MKRN2OS: variants seen among roughly 807,000 people sequenced by gnomAD.
The protein encoded by MKRN2OS is MKRN2 opposite strand.
MKRN2OS carries 17 observed loss-of-function variants against 18.2 expected under a neutral mutation model. The observed-to-expected ratio is 0.93, with a 90% confidence interval of 0.64 to 1.40. MKRN2OS has a LOEUF of 1.40. Among genes scored for constraint, MKRN2OS ranks in the 40% most tolerant of loss-of-function variants. The pLI is 0.00. For missense variants in MKRN2OS, 337 were observed against 283.0 expected, an observed-to-expected ratio of 1.19 and a Z score of -1.37; for synonymous variants, 121 against 108.5, an observed-to-expected ratio of 1.12 and a Z score of -0.72.
chr3:12,545,304 T>C lies in MKRN2OS; in HGVS notation c.161A>G (p.Asn54Ser), dbSNP rs1468751166. Residue 54 changes from asparagine to serine, a missense_variant, in exon 1 of 4, where the codon AAT (asparagine) becomes AGT (serine). Transcript: ENST00000564146. ...APVSIANPFT[N>S]GHQEKCSFLL... ...GAATGAACATTTTTCTTGATGTCCA[T>C]TAGTAAATGGATTAGCGATGCTAAC... 6.5e-7 allele frequency: 1 copy of C among 1,535,994 alleles called. No homozygotes were observed. Among genetic ancestry groups the C allele is most frequent in the Non-Finnish European group, 8.7e-7 (1 of 1,146,886 alleles).
In MKRN2OS at chr3:12,557,295, C is replaced by A; in HGVS notation, n.265-3161G>T. The A allele has an allele frequency of 3.0e-6, 4 of 1,329,160 alleles. No homozygotes were observed. In the South Asian group the frequency reaches 4.4e-5, roughly 14 times the overall value. The allele number at this position is 1,329,160 out of a possible 1,614,324, so 82.3% of individuals were successfully genotyped here. ...GAGCGGGACTCGGAAAGTTACTCGG[C>A]TGTTCGCGGCGGGGCTTTGCGAGGC... is the stretch of plus-strand genomic sequence containing the variant. On this transcript the variant is annotated intron_variant and non_coding_transcript_variant, in intron 1 of 1. Transcript: ENST00000447550.
chr3:12,549,631 T>A (rs1327220449), upstream of MKRN2OS, among the ~76,000 whole-genome samples: 1 of 152,194 alleles, frequency 6.6e-6, no homozygotes, highest in Non-Finnish European at 1.5e-5. Flanking sequence ...CATTGCAGCC[T>A]CAAACTTCTG....
At chr3:12,549,173 G>T (rs2057909890), upstream of MKRN2OS, among the ~76,000 whole-genome samples, 1 of 152,134 alleles carries the variant, frequency 6.6e-6, no homozygotes. Context: ...TTGAACTCCT[G>T]ACCTTGTGAT....
rs1409671850 is a variant in MKRN2OS, at chr3:12,545,402, G to GT, written c.62dup (p.Tyr21Ter). The GT allele has an allele frequency of 2.6e-6, 4 of 1,535,764 alleles. No individual in the cohort carries two copies. The South Asian group carries it at 4.8e-5, about 18-fold the overall frequency. Residue 21 changes from tyrosine (Y) to a stop codon, truncating the protein, a stop_gained and frameshift_variant, in exon 1 of 4, where the codon TAC becomes TAAC. Coordinates refer to ENST00000564146, the MANE Select transcript of MKRN2OS (RefSeq NM_001195279.2). LOFTEE classifies it high-confidence loss of function. ...GGCAGCACTGGGGCACACTGAAGCT[G>GT]TAGATGTATTTCTCACAGTGGTTGA... Reference protein sequence around the residue: ...IKFNHCEKYIYSFSVPQCCPL... With the variant: ...IKFNHCEKYI
At chr3:12,558,751 G>A (rs896743353) in intron 1 of MKRN2OS, among the ~76,000 whole-genome samples, 3 of 152,178 alleles carry the variant, frequency 2.0e-5, no homozygotes, top group Non-Finnish European at 4.4e-5. Flanking sequence ...AAACAGGGGT[G>A]TTCTGTAGGA....
Position 12,545,441 on chromosome 3 carries a change from C to A in MKRN2OS, c.24G>T (p.Lys8Asn). ...CACAGTGGTTGAATTTAATTAAAGCCTTCCCAGCCTCTGCGCAGTGCATAG... is the reference window on the plus strand; with the variant it reads ...CACAGTGGTTGAATTTAATTAAAGCATTCCCAGCCTCTGCGCAGTGCATAG... Reference protein sequence around the residue: MHCAEAGKALIKFNHCEK... With the variant: MHCAEAGNALIKFNHCEK... The change falls in exon 1 of 4, where the codon AAG (lysine) becomes AAT (asparagine). Residue 8 changes from lysine to asparagine, a missense_variant. Coordinates refer to ENST00000564146, the MANE Select transcript of MKRN2OS (RefSeq NM_001195279.2). The A allele has an allele frequency of 1.3e-6, 2 of 1,534,130 alleles. No homozygotes were observed. Among genetic ancestry groups the A allele is most frequent in the South Asian group, 2.4e-5 (2 of 83,856 alleles).
chr3:12,542,020 C>T lies in MKRN2OS; in HGVS notation c.271G>A (p.Val91Ile). 4 of 1,533,372 alleles carry T rather than the reference C, an allele frequency of 2.6e-6. No homozygotes were observed. The South Asian group carries it at 4.8e-5, about 18-fold the overall frequency. 95.0% of individuals were successfully genotyped at this position (1,533,372 alleles called of 1,614,324 possible). Residue 91 changes from valine to isoleucine, a missense_variant and splice_region_variant, in exon 3 of 4, where the codon GTT becomes ATT. Coordinates refer to ENST00000564146, the MANE Select transcript of MKRN2OS (RefSeq NM_001195279.2). ...CCATGTGCACTGTAATTATACACAA[C>T]CCCTGCAAATCAAAACCAAAGTCAT... ...LHVGITNTNG[V>I]VYNYSAHGVQ...
intron 1 of MKRN2OS, among the ~76,000 whole-genome samples, chr3:12,555,732 G>C (rs2057963550): frequency 6.6e-6 from 1 of 152,166 alleles, no homozygotes; most frequent in Non-Finnish European, 1.5e-5. Context: ...GCCCTTCTGG[G>C]GTGTCGATAA....
At chr3:12,549,326 C>T (rs1394468322), upstream of MKRN2OS, among the ~76,000 whole-genome samples, 1 of 152,072 alleles carries the variant, frequency 6.6e-6, no homozygotes, top group Non-Finnish European at 1.5e-5. Flanking sequence ...TCACTGCAGC[C>T]TCCATCTCCT....
chr3:12,556,403 T>C (rs752683842), intron 1 of MKRN2OS, among the ~76,000 whole-genome samples: 1 of 151,340 alleles, frequency 6.6e-6, no homozygotes. Flanking sequence ...TATCGCATGG[T>C]GCTAGGTAGA....
At chr3:12,549,389 A>G (rs996424509), upstream of MKRN2OS, among the ~76,000 whole-genome samples, 2 of 151,352 alleles carry the variant, frequency 1.3e-5, no homozygotes, top group African/African-American at 4.9e-5. Flanking sequence ...GATTACAGGT[A>G]TGCACCACTG....
At chr3:12,554,874 T>C (rs1051594500) in intron 1 of MKRN2OS, among the ~76,000 whole-genome samples, 5 of 152,240 alleles carry the variant, frequency 3.3e-5, no homozygotes, top group African/African-American at 1.2e-4. Flanking sequence ...AAAAAATGTT[T>C]CTGCTTTTTG....
upstream of MKRN2OS, among the ~76,000 whole-genome samples, chr3:12,548,672 GT>G (rs1475924672): frequency 2.6e-5 from 4 of 152,044 alleles, no homozygotes; most frequent in African/African-American, 9.7e-5. Flanking sequence ...TGTTTGTTAG[GT>G]TGCTTCAGTG....
At chr3:12,550,449 C>A (rs1427262946), upstream of MKRN2OS, among the ~76,000 whole-genome samples, 1 of 152,070 alleles carries the variant, frequency 6.6e-6, no homozygotes, top group African/African-American at 2.4e-5. Context: ...AGGCAGAGTA[C>A]AGAGAATTTT....
chr3:12,557,117 G>A, intron 1 of MKRN2OS: 1 of 1,493,132 alleles, frequency 6.7e-7, no homozygotes, highest in Non-Finnish European at 8.9e-7. Flanking sequence ...TGCGAGAGGC[G>A]GCGGCACGAC....
chr3:12,540,507 C>A, intron 3 of MKRN2OS, 74 bp from the exon 4 acceptor site: 1 of 1,521,430 alleles, frequency 6.6e-7, no homozygotes, highest in Non-Finnish European at 8.8e-7. Context: ...GAAGGCCTTT[C>A]CTAACTGAAA....
At position 12,545,003 on chromosome 3, in the gene MKRN2OS, C is replaced by T. The variant is rs577956220; in HGVS notation, c.218+244G>A. 4.6e-5 allele frequency among the ~76,000 whole-genome samples: 7 copies of T among 152,334 alleles called. No individual in the cohort carries two copies. The South Asian group carries it at 1.0e-3, about 23-fold the overall frequency. On this transcript the variant is annotated intron_variant, in intron 1 of 3. Coordinates refer to ENST00000564146, the MANE Select transcript of MKRN2OS (RefSeq NM_001195279.2). ...AGCACATATTTTTCTCTCTGAAAAT[C>T]ATATGAGCAGGTTTACTCTTCATAT...
chr3:12,550,869 T>C (rs11718084), downstream of MKRN2OS, among the ~76,000 whole-genome samples: 7,786 of 152,298 alleles, frequency 0.051, 275 homozygotes, highest in Non-Finnish European at 0.075. Flanking sequence ...TCTACTAACA[T>C]AGTTTGCTGT....
chr3:12,545,229 CTG>C lies in MKRN2OS; in HGVS notation c.218+16_218+17del, dbSNP rs538530502. The C allele has an allele frequency of 3.1e-5, 47 of 1,501,362 alleles. 1 individual carries two copies. In the South Asian group the frequency reaches 3.5e-4, roughly 11 times the overall value. The allele number at this position is 1,501,362 out of a possible 1,614,324, so 93.0% of individuals were successfully genotyped here. A position where few individuals can be genotyped will look rare whatever the true frequency, so the allele number is the denominator to read the frequency against. ...AAAGTTTGCACAATGCAATTTAACACTGTAAAAAACACTGTACCTAAGAAATG... is the reference window on the plus strand; with the variant it reads ...AAAGTTTGCACAATGCAATTTAACACTAAAAAACACTGTACCTAAGAAATG... On this transcript the variant is annotated intron_variant, in intron 1 of 3. Transcript: ENST00000564146.
Sources: gnomAD v4.1 joint callset for allele counts (sites outside exome capture counted in the v4.1 genomes callset) on GRCh38, gnomAD v4.1.1 for gene constraint, MANE v1.5 for transcripts, NCBI Gene and HGNC (gene_info 2026-07-23, HGNC 2026-07-21) for gene names.